The following TRPM4 variants were observed in gnomAD, a reference collection of about 807,000 sequenced individuals.
TRPM4 encodes the protein transient receptor potential cation channel subfamily M member 4.
A neutral mutation model predicts 135.6 loss-of-function variants in TRPM4; 124 were observed. That is an observed-to-expected ratio of 0.91 (90% confidence interval 0.79 to 1.06). The LOEUF (loss-of-function observed/expected upper bound fraction) is 1.06, where lower values mean the gene tolerates loss of function less well. Among genes scored for constraint, TRPM4 ranks in the 50% least tolerant of loss-of-function variants. TRPM4 has a pLI of 0.00. For missense variants in TRPM4, 1,658 were observed against 1,671.4 expected (o/e 0.99, Z 0.14); for synonymous variants, 745 against 705.6 (o/e 1.06, Z -0.88).
At chr19:49,166,256 G>C in intron 3 of TRPM4, 41 bp downstream of exon 3, 5 of 1,550,090 alleles carry the variant, frequency 3.2e-6, no homozygotes, top group Non-Finnish European at 4.4e-6. Flanking sequence ...GCACCAGGGG[G>C]CTGCATGCTC....
chr19:49,206,743 G>A (rs186448784), intron 20 of TRPM4, among the ~76,000 whole-genome samples: 256 of 152,268 alleles, frequency 1.7e-3, no homozygotes, highest in Middle Eastern at 6.8e-3. Flanking sequence ...CCGGCCAGTT[G>A]TTGGAATTTT....
rs535644254 is a variant in TRPM4 at position 49,186,056 on chromosome 19, A to T, written c.1744-2585A>T. On this transcript the variant is annotated intron_variant, in intron 12 of 24. Transcript: ENST00000252826. The stretch of plus-strand genomic sequence containing the variant: ...GTGAGCCACCGCGCCCACCCTGTTT[A>T]GTGACTTCTCTAAACCTTTTTTGGA... Among the ~76,000 whole-genome samples the T allele has an allele frequency of 1.5e-3, 230 of 152,310 alleles. 3 individuals carry two copies. Among genetic ancestry groups the T allele is most frequent in the African/African-American group, 5.3e-3 (220 of 41,578 alleles).
Position 49,171,521 on chromosome 19 carries a change from A to G in TRPM4, c.859-57A>G, listed in dbSNP as rs1967453849. The stretch of plus-strand genomic sequence containing the variant: ...AGGGTCTGGGGGTCTGACTCCGGGT[A>G]GGGTGAATATCCTGCCTTTTCTGAC... On this transcript the variant is annotated intron_variant, in intron 7 of 24. Transcript: ENST00000252826. The surrounding 1 kb of genome is among the most constrained non-coding windows in gnomAD (Gnocchi z 4.7). 4.3e-6 allele frequency: 7 copies of G among 1,611,910 alleles called. No homozygotes were observed. The highest frequency in any genetic ancestry group is 3.3e-4 in the Middle Eastern group (2 of 6,010).
intron 6 of TRPM4, 84 bp downstream of exon 6, chr19:49,168,820 C>T (rs995305838): frequency 1.5e-5 from 21 of 1,425,754 alleles, no homozygotes; most frequent in South Asian, 4.9e-5. Flanking sequence ...TTGGTCTGGT[C>T]GAGATTTGGG....
chr19:49,204,097 G>A (rs945814664), intron 20 of TRPM4, among the ~76,000 whole-genome samples: 5 of 152,164 alleles, frequency 3.3e-5, no homozygotes, highest in Non-Finnish European at 7.3e-5. Context: ...TCCAGCCTGG[G>A]CAACAGAGCG....
In TRPM4 at chr19:49,183,228, G is replaced by C; in HGVS notation, c.1743+16G>C. 6.2e-7 allele frequency: 1 copy of C among 1,614,000 alleles called. No homozygotes were observed. Among genetic ancestry groups the C allele is most frequent in the Non-Finnish European group, 8.5e-7 (1 of 1,180,032 alleles). The stretch of plus-strand genomic sequence containing the variant: ...CTGGGAGATGGTGAGTGCTGACTTG[G>C]CGCTCCTGCATCCCTGTCCTTTAGG... On this transcript the variant is annotated intron_variant, in intron 12 of 24. Transcript: ENST00000252826.
intron 2 of TRPM4, among the ~76,000 whole-genome samples, chr19:49,164,617 G>C (rs557380165): frequency 6.6e-6 from 1 of 151,482 alleles, no homozygotes; most frequent in Non-Finnish European, 1.5e-5. Context: ...CTTGACCTCA[G>C]ATGATCCACC....
At position 49,187,176 on chromosome 19, in the gene TRPM4, C is replaced by T. The variant is rs529315190; in HGVS notation, c.1744-1465C>T. ...CCCTCTTACTGAAATTTAGTGGTCT[C>T]TTCATTAAGCATTTTCTTGTTTTTT... On this transcript the variant is annotated intron_variant, in intron 12 of 24. Coordinates refer to ENST00000252826, the MANE Select transcript of TRPM4 (RefSeq NM_017636.4). Among the ~76,000 whole-genome samples, 284 of 150,528 alleles carry T rather than the reference C, an allele frequency of 1.9e-3. 1 individual carries two copies. Among genetic ancestry groups the T allele is most frequent in the African/African-American group, 6.9e-3 (279 of 40,496 alleles).
intron 9 of TRPM4, among the ~76,000 whole-genome samples, chr19:49,180,479 G>T (rs1044527978): frequency 1.6e-5 from 2 of 124,788 alleles, no homozygotes; most frequent in East Asian, 2.3e-4. Flanking sequence ...TGTGTGTGTT[G>T]CACCCGGGCC....
Position 49,210,823 on chromosome 19 carries a change from C to A in TRPM4, c.3442C>A (p.Leu1148Met). Residue 1148 changes from leucine to methionine, a missense_variant, in exon 22 of 25, where the codon CTG becomes ATG. Around this residue, in one of 3 missense-constraint regions of TRPM4, gnomAD observed 1,412 missense variants for 1,408.7 expected, o/e 1.00. Transcript: ENST00000252826. The surrounding 1 kb of genome is among the most constrained non-coding windows in gnomAD (Gnocchi z 4.1). ...RDKRESDSERLKRTSQKVDLA... is the reference protein window; with the variant it reads ...RDKRESDSERMKRTSQKVDLA... Reference sequence around the variant, plus strand: ...CAAGCGGGAGAGCGACTCCGAGCGTCTGAAGCGCACGTCCCAGAAGTGAGA... The same window carrying A: ...CAAGCGGGAGAGCGACTCCGAGCGTATGAAGCGCACGTCCCAGAAGTGAGA... 1.2e-6 allele frequency: 2 copies of A among 1,612,342 alleles called. No individual in the cohort carries two copies. Among genetic ancestry groups the A allele is most frequent in the South Asian group, 1.1e-5 (1 of 90,670 alleles).
chr19:49,191,625 G>A (rs146619325), intron 16 of TRPM4, among the ~76,000 whole-genome samples: 11 of 151,548 alleles, frequency 7.3e-5, no homozygotes, highest in African/African-American at 1.2e-4. Context: ...TCAGCCTCCC[G>A]AATAGCTGGG....
At chr19:49,183,974 C>T (rs536618850) in intron 12 of TRPM4, among the ~76,000 whole-genome samples, 35 of 151,944 alleles carry the variant, frequency 2.3e-4, no homozygotes, top group African/African-American at 8.0e-4. Context: ...GGGGTTTCAC[C>T]GTGGTCTTGA....
chr19:49,197,356 C>T (rs1968720786), intron 17 of TRPM4, among the ~76,000 whole-genome samples: 1 of 100,926 alleles, frequency 9.9e-6, no homozygotes, highest in African/African-American at 5.9e-5. Context: ...TTCTTTCTTT[C>T]TTTCTTTCTC....
At chr19:49,164,099 C>G (rs1305588936) in intron 2 of TRPM4, among the ~76,000 whole-genome samples, 1 of 152,194 alleles carries the variant, frequency 6.6e-6, no homozygotes, top group Non-Finnish European at 1.5e-5. Flanking sequence ...TAAAATTGCT[C>G]TTAAATCTGC....
intron 20 of TRPM4, among the ~76,000 whole-genome samples, chr19:49,208,414 C>T (rs1356677183): frequency 2.0e-5 from 3 of 152,036 alleles, no homozygotes; most frequent in Admixed American, 6.6e-5. Context: ...GACCACGGTC[C>T]GCTTGGTAAC....
intron 17 of TRPM4, among the ~76,000 whole-genome samples, chr19:49,197,306 CTT>C (rs34115646): frequency 0.27 from 32,773 of 122,090 alleles, 4,375 homozygotes; most frequent in South Asian, 0.31. Context: ...CTCTTTCTTT[CTT>C]TTTCTTTCTT....
chr19:49,183,338 G>A (rs370501517), intron 12 of TRPM4, 126 bp downstream of exon 12: 1 of 1,112,334 alleles, frequency 9.0e-7, no homozygotes, highest in African/African-American at 1.5e-5. Context: ...ATCCTCCGTC[G>A]CTGATATATG....
Position 49,158,517 on chromosome 19 carries a change from C to T in TRPM4, c.92+258C>T, listed in dbSNP as rs527346073. On this transcript the variant is annotated intron_variant, in intron 2 of 24. Transcript: ENST00000252826. Reference sequence around the variant, plus strand: ...TCTGCTTCTTTCCTCCCCGATGTCTCTTCTATGTGCTTCTGTCTCTTCGTG... The same window carrying T: ...TCTGCTTCTTTCCTCCCCGATGTCTTTTCTATGTGCTTCTGTCTCTTCGTG... 6 of 530,184 alleles carry T rather than the reference C, an allele frequency of 1.1e-5. No homozygotes were observed. The Admixed American group carries it at 1.3e-4, about 12-fold the overall frequency. 32.8% of individuals were successfully genotyped at this position (530,184 alleles called of 1,614,324 possible).
intron 20 of TRPM4, among the ~76,000 whole-genome samples, chr19:49,206,663 T>C (rs2099881549): frequency 6.6e-6 from 1 of 152,148 alleles, no homozygotes; most frequent in African/African-American, 2.4e-5. Context: ...GGTCTCGAAC[T>C]CCCGACCTCA....
Sources: allele counts gnomAD v4.1 joint callset (sites outside exome capture counted in the v4.1 genomes callset), GRCh38; gene constraint gnomAD v4.1.1; regional missense constraint gnomAD v4.1.1; non-coding constraint Gnocchi (gnomAD v3.1); transcripts MANE v1.5; gene names NCBI Gene and HGNC (gene_info 2026-07-23, HGNC 2026-07-21).